DPP10: variants seen among roughly 807,000 people sequenced by gnomAD.
DPP10 encodes dipeptidyl peptidase like 10, also known as inactive dipeptidyl peptidase 10.
A neutral mutation model predicts 120.9 loss-of-function variants in DPP10; 33 were observed. The ratio of observed to expected loss-of-function variants is 0.27; its 90% confidence interval spans 0.21 to 0.37. DPP10 has a LOEUF of 0.37. Ranked by LOEUF, DPP10 falls within the 10% of genes least tolerant of loss-of-function variation. The probability of loss-of-function intolerance (pLI) is 1.00; values close to 1 mark genes in which losing one functional copy is unlikely to be tolerated. For synonymous variants in DPP10, 337 were observed against 326.1 expected, an observed-to-expected ratio of 1.03 and a Z score of -0.36; for missense variants, 816 against 942.8, an observed-to-expected ratio of 0.87 and a Z score of 1.76.
At chr2:114,501,242 A>G (rs777017178) in intron 1 of DPP10, among the ~76,000 whole-genome samples, 1 of 152,130 alleles carries the variant, frequency 6.6e-6, no homozygotes, top group Non-Finnish European at 1.5e-5. Context: ...TTAAAGCAAA[A>G]ATAATAATAT....
chr2:115,565,210 G>A (rs1839142), intron 5 of DPP10, among the ~76,000 whole-genome samples: 72,948 of 151,960 alleles, frequency 0.48, 21,220 homozygotes, highest in Middle Eastern at 0.67. Flanking sequence ...TTTTGAAACT[G>A]TTGAATTTGA....
intron 1 of DPP10, among the ~76,000 whole-genome samples, chr2:115,019,368 A>AAAC (rs1180946261): frequency 3.9e-5 from 6 of 152,182 alleles, no homozygotes; most frequent in African/African-American, 1.4e-4. Context: ...AGAGAAATGC[A>AAAC]AACTGCACTT....
chr2:114,712,909 A>G (rs1324963790), intron 1 of DPP10, among the ~76,000 whole-genome samples: 1 of 151,928 alleles, frequency 6.6e-6, no homozygotes, highest in Admixed American at 6.6e-5. Context: ...GAATATTTGT[A>G]TGGCTGTAGT....
chr2:114,464,728 T>C (rs1017027026), intron 1 of DPP10, among the ~76,000 whole-genome samples: 2 of 152,154 alleles, frequency 1.3e-5, no homozygotes, highest in Non-Finnish European at 2.9e-5. Flanking sequence ...GGCCGAGAGC[T>C]GTGGCTCATG....
chr2:114,780,428 C>T (rs760966870), intron 1 of DPP10, among the ~76,000 whole-genome samples: 1 of 152,048 alleles, frequency 6.6e-6, no homozygotes, highest in Non-Finnish European at 1.5e-5. Flanking sequence ...ACCTAAGTTC[C>T]AATCTAATTT....
At chr2:114,913,542 G>T (rs1353689931) in intron 1 of DPP10, among the ~76,000 whole-genome samples, 1 of 152,112 alleles carries the variant, frequency 6.6e-6, no homozygotes, top group Non-Finnish European at 1.5e-5. Flanking sequence ...ATCTAAATTC[G>T]ACTTATACCA....
chr2:115,556,266 A>G (rs936581914), intron 5 of DPP10, among the ~76,000 whole-genome samples: 4 of 151,882 alleles, frequency 2.6e-5, no homozygotes, highest in African/African-American at 7.3e-5. Flanking sequence ...TGGTCAATCC[A>G]TGGCCTCTGG....
intron 3 of DPP10, among the ~76,000 whole-genome samples, chr2:115,490,700 T>C (rs1446306193): frequency 1.3e-5 from 2 of 152,226 alleles, no homozygotes; most frequent in Non-Finnish European, 2.9e-5. Context: ...TATGTGTAAA[T>C]GTATTAAAAA....
chr2:114,917,876 A>G (rs190743587), intron 1 of DPP10, among the ~76,000 whole-genome samples: 1 of 152,306 alleles, frequency 6.6e-6, no homozygotes, highest in East Asian at 1.9e-4. Context: ...CCTAGGAAAT[A>G]CTATTCCAGA....
intron 5 of DPP10, among the ~76,000 whole-genome samples, chr2:115,571,348 T>C (rs962507154): frequency 1.3e-5 from 2 of 152,166 alleles, no homozygotes; most frequent in Admixed American, 1.3e-4. Context: ...CTGAACATAG[T>C]ACCTAGTAGT....
intron 1 of DPP10, among the ~76,000 whole-genome samples, chr2:115,283,295 G>A (rs2060236141): frequency 6.6e-6 from 1 of 151,926 alleles, no homozygotes; most frequent in Admixed American, 6.6e-5. Context: ...TTGTAATCAG[G>A]TTAGAATTAA....
At chr2:114,959,231 G>A (rs1698435315) in intron 1 of DPP10, among the ~76,000 whole-genome samples, 2 of 152,078 alleles carry the variant, frequency 1.3e-5, no homozygotes, top group South Asian at 4.1e-4. Flanking sequence ...AATTTAAAGT[G>A]TACAATTCAC....
intron 1 of DPP10, among the ~76,000 whole-genome samples, chr2:114,827,587 TTTTGA>T (rs1686672250): frequency 1.3e-5 from 2 of 152,152 alleles, no homozygotes; most frequent in Non-Finnish European, 2.9e-5. Flanking sequence ...TGAGCCACTT[TTTTGA>T]TTTATTAATT....
intron 3 of DPP10, among the ~76,000 whole-genome samples, chr2:115,497,644 G>A (rs1174549975): frequency 6.7e-6 from 1 of 150,256 alleles, no homozygotes; most frequent in African/African-American, 2.4e-5. Context: ...ATCAAGAAGT[G>A]GGCCAGAGAT....
chr2:115,160,410 G>T (rs1017799153), intron 1 of DPP10, among the ~76,000 whole-genome samples: 1 of 152,068 alleles, frequency 6.6e-6, no homozygotes, highest in Admixed American at 6.5e-5. Flanking sequence ...AACTACTAAG[G>T]CAAGAGGACA....
chr2:115,594,296 C>G (rs557085598), intron 5 of DPP10, among the ~76,000 whole-genome samples: 1 of 152,162 alleles, frequency 6.6e-6, no homozygotes, highest in East Asian at 1.9e-4. Context: ...ATTAAGAATA[C>G]TTACAAATAA....
intron 1 of DPP10, among the ~76,000 whole-genome samples, chr2:115,102,395 TTTTGTTTGTTTGTTTG>T (rs141019149): frequency 6.6e-6 from 1 of 150,788 alleles, no homozygotes; most frequent in African/African-American, 2.5e-5. Flanking sequence ...GGGAGGGGTT[TTTTGTTTGTTTGTTTG>T]TTTGTTTGTT....
At chr2:115,430,856 A>T (rs1025096685) in intron 3 of DPP10, among the ~76,000 whole-genome samples, 3 of 152,190 alleles carry the variant, frequency 2.0e-5, no homozygotes, top group Non-Finnish European at 4.4e-5. Flanking sequence ...ATAGTATTTG[A>T]CAAGTAGGAC....
chr2:114,647,843 T>C (rs910463545), intron 1 of DPP10, among the ~76,000 whole-genome samples: 1 of 151,774 alleles, frequency 6.6e-6, no homozygotes, highest in African/African-American at 2.4e-5. Flanking sequence ...TGATTTTATT[T>C]ATTTAATCTT....
Sources: gnomAD v4.1 joint callset for allele counts (sites outside exome capture counted in the v4.1 genomes callset) on GRCh38, gnomAD v4.1.1 for gene constraint, MANE v1.5 for transcripts, NCBI Gene and HGNC (gene_info 2026-07-23, HGNC 2026-07-21) for gene names.